The following ST8SIA2 variants were observed in gnomAD, a reference collection of about 807,000 sequenced individuals.
ST8SIA2 encodes alpha-2,8-sialyltransferase 8B.
Under a neutral mutation model 37.6 loss-of-function variants are expected in ST8SIA2, and 22 were observed. The observed-to-expected ratio is 0.58, with a 90% CI of 0.42 to 0.83. The LOEUF (loss-of-function observed/expected upper bound fraction) is 0.83, where lower values mean the gene tolerates loss of function less well. Ranked by LOEUF, ST8SIA2 falls within the 40% of genes least tolerant of loss-of-function variation. The pLI, the probability that ST8SIA2 is intolerant of heterozygous loss-of-function variation, is 0.00. For synonymous variants in ST8SIA2, 205 were observed against 201.2 expected (o/e 1.02, Z -0.16); for missense variants, 382 against 484.7 (o/e 0.79, Z 1.99).
At chr15:92,396,548 C>T (rs1009835244) in intron 1 of ST8SIA2, among the ~76,000 whole-genome samples, 3 of 151,230 alleles carry the variant, frequency 2.0e-5, no homozygotes, top group South Asian at 2.1e-4. Flanking sequence ...GGATGGAGTG[C>T]AGTGGCACAA....
At chr15:92,451,058 G>C (rs1423593694) in intron 5 of ST8SIA2, among the ~76,000 whole-genome samples, 1 of 152,174 alleles carries the variant, frequency 6.6e-6, no homozygotes, top group East Asian at 1.9e-4. Flanking sequence ...GGAATTGAAG[G>C]GGACAAACGT....
chr15:92,454,894 G>T (rs1056424580), intron 5 of ST8SIA2, among the ~76,000 whole-genome samples: 1 of 152,124 alleles, frequency 6.6e-6, no homozygotes, highest in Non-Finnish European at 1.5e-5. Flanking sequence ...GAAGGAGGCT[G>T]CGACCCACAG....
At chr15:92,408,231 G>C (rs934085353) in intron 1 of ST8SIA2, among the ~76,000 whole-genome samples, 3 of 151,988 alleles carry the variant, frequency 2.0e-5, no homozygotes, top group Non-Finnish European at 4.4e-5. Context: ...CCACCGAGAG[G>C]GGAGGATGCC....
chr15:92,445,428 C>T (rs1366548181), intron 5 of ST8SIA2, among the ~76,000 whole-genome samples: 2 of 152,156 alleles, frequency 1.3e-5, no homozygotes, highest in African/African-American at 4.8e-5. Context: ...ACGTGAAATG[C>T]GTAGTAAAAT....
chr15:92,402,718 G>A (rs554968033), intron 1 of ST8SIA2, among the ~76,000 whole-genome samples: 6 of 152,222 alleles, frequency 3.9e-5, no homozygotes, highest in South Asian at 4.1e-4. Flanking sequence ...ACCTTAATGC[G>A]GAATGACGGC....
At position 92,450,088 on chromosome 15, in the gene ST8SIA2, A is replaced by G. The variant is rs1238790182; in HGVS notation, c.842+5159A>G. 2.6e-5 allele frequency among the ~76,000 whole-genome samples: 4 copies of G among 152,230 alleles called. No individual in the cohort carries two copies. In the East Asian group the frequency reaches 7.7e-4, roughly 29 times the overall value. On this transcript the variant is annotated intron_variant, in intron 5 of 5. Transcript: ENST00000268164. ...TGACACCAAAAGCACAGGCAATGAA[A>G]GAAAAAATAGATAAATTGGACTACC...
chr15:92,465,498 T>C lies in ST8SIA2; in HGVS notation c.*1113T>C, dbSNP rs1478417988. 1 of 152,210 alleles carries C rather than the reference T, an allele frequency of 6.6e-6. No individual in the cohort carries two copies. Among genetic ancestry groups the C allele is most frequent in the East Asian group, 1.9e-4 (1 of 5,196 alleles). The allele number at this position is 152,210 out of a possible 1,614,324, so 9.4% of individuals were successfully genotyped here. On this transcript the variant is annotated 3_prime_UTR_variant, in exon 6 of 6. Transcript: ENST00000268164. ...AGAATGTTCAGCATCTAGCTCCATG[T>C]CCCTGCAACCACTCTCTGTTTGCCT...
chr15:92,449,962 G>A lies in ST8SIA2; in HGVS notation c.842+5033G>A, dbSNP rs548895613. ...ATTCTGTAGGTTGTCTGCATTTTAA[G>A]CATTGTTAATTGTACATTTCACTTA... On this transcript the variant is annotated intron_variant, in intron 5 of 5. Coordinates refer to ENST00000268164, the MANE Select transcript of ST8SIA2 (RefSeq NM_006011.4). Among the ~76,000 whole-genome samples, 3 of 152,248 alleles carry A rather than the reference G, an allele frequency of 2.0e-5. No individual in the cohort carries two copies. The South Asian group carries it at 6.2e-4, about 32-fold the overall frequency.
chr15:92,447,835 A>G (rs1386809654), intron 5 of ST8SIA2, among the ~76,000 whole-genome samples: 1 of 152,226 alleles, frequency 6.6e-6, no homozygotes, highest in African/African-American at 2.4e-5. Flanking sequence ...TTGGTCTCTC[A>G]GGACCATGTT....
At position 92,434,364 on chromosome 15, in the gene ST8SIA2, T is replaced by C. The variant is rs1359391132; in HGVS notation, c.279T>C (p.Ser93=). Residue 93 remains serine (S), a synonymous_variant, in exon 3 of 6, where the codon TCT becomes TCC. Coordinates refer to ENST00000268164, the MANE Select transcript of ST8SIA2 (RefSeq NM_006011.4). ...SSKWRHNQTL[S]LRIRKQILKF... ...AATGGAGACATAACCAGACGCTCTCTCTGAGGATCAGGTACTGGTAATTAC... is the reference window on the plus strand; with the variant it reads ...AATGGAGACATAACCAGACGCTCTCCCTGAGGATCAGGTACTGGTAATTAC... 2 of 1,614,186 alleles carry C rather than the reference T, an allele frequency of 1.2e-6. No homozygotes were observed. Among genetic ancestry groups the C allele is most frequent in the Non-Finnish European group, 1.7e-6 (2 of 1,180,042 alleles).
At chr15:92,456,099 G>A (rs1165076817) in intron 5 of ST8SIA2, among the ~76,000 whole-genome samples, 1 of 152,248 alleles carries the variant, frequency 6.6e-6, no homozygotes, top group Non-Finnish European at 1.5e-5. Context: ...GGTCTTGCTG[G>A]ACCTCCTGCT....
Position 92,444,820 on chromosome 15 carries a change from G to A in ST8SIA2, c.733G>A (p.Ala245Thr). ...GSILWIPAFMARGGKERVEWV... is the reference protein window; with the variant it reads ...GSILWIPAFMTRGGKERVEWV... The stretch of plus-strand genomic sequence containing the variant: ...CATCCTGTGGATCCCTGCCTTCATG[G>A]CCCGGGGCGGCAAGGAGCGTGTTGA... Residue 245 changes from alanine to threonine, a missense_variant, in exon 5 of 6, where the codon GCC becomes ACC. Transcript: ENST00000268164. 4.3e-6 allele frequency: 7 copies of A among 1,614,084 alleles called. No homozygotes were observed. The highest frequency in any genetic ancestry group is 5.9e-6 in the Non-Finnish European group (7 of 1,180,042).
chr15:92,461,702 C>G (rs142927221), intron 5 of ST8SIA2, among the ~76,000 whole-genome samples: 2 of 152,146 alleles, frequency 1.3e-5, no homozygotes, highest in Admixed American at 1.3e-4. Flanking sequence ...GAGGGTGGCA[C>G]GGGCCAGGTC....
chr15:92,410,885 G>A (rs1377413289), intron 1 of ST8SIA2, among the ~76,000 whole-genome samples: 2 of 152,284 alleles, frequency 1.3e-5, no homozygotes, highest in East Asian at 1.9e-4. Flanking sequence ...ACTTGAGCTG[G>A]AAAAAGAATG....
intron 1 of ST8SIA2, among the ~76,000 whole-genome samples, chr15:92,395,556 C>G (rs1168504043): frequency 4.6e-5 from 7 of 152,190 alleles, no homozygotes; most frequent in African/African-American, 1.7e-4. Context: ...CTCGGTTTCC[C>G]CAAGAGCTCT....
chr15:92,421,043 T>G (rs1419250711), intron 1 of ST8SIA2: 1 of 152,188 alleles, frequency 6.6e-6, no homozygotes, highest in African/African-American at 2.4e-5. Flanking sequence ...CACATCTAAA[T>G]TGGGTGCAAA....
intron 1 of ST8SIA2, among the ~76,000 whole-genome samples, chr15:92,413,798 C>T (rs535828870): frequency 4.1e-4 from 62 of 152,338 alleles, no homozygotes; most frequent in African/African-American, 1.4e-3. Flanking sequence ...CTTTTCACTC[C>T]GGCCCTCTTT....
chr15:92,408,951 G>T (rs563954127), intron 1 of ST8SIA2, among the ~76,000 whole-genome samples: 1 of 152,048 alleles, frequency 6.6e-6, no homozygotes, highest in African/African-American at 2.4e-5. Flanking sequence ...TGATCCGCCC[G>T]CCTTGGCCTC....
chr15:92,418,408 G>A (rs1015387125), intron 1 of ST8SIA2, among the ~76,000 whole-genome samples: 6 of 148,342 alleles, frequency 4.0e-5, no homozygotes, highest in African/African-American at 1.5e-4. Context: ...GCTATGGTGA[G>A]CCATGATCAC....
Sources: allele counts gnomAD v4.1 joint callset (sites outside exome capture counted in the v4.1 genomes callset), GRCh38; gene constraint gnomAD v4.1.1; transcripts MANE v1.5; gene names NCBI Gene and HGNC (gene_info 2026-07-23, HGNC 2026-07-21).